CLASP2: variants seen among roughly 807,000 people sequenced by gnomAD.
CLASP2 encodes the protein CLIP-associating protein 2.
CLASP2 carries 47 observed loss-of-function variants against 194.4 expected under a neutral mutation model. The observed-to-expected ratio is 0.24, with a 90% CI of 0.19 to 0.31. CLASP2 has a LOEUF of 0.31. Among genes scored for constraint, CLASP2 ranks in the 10% least tolerant of loss-of-function variants. CLASP2 has a pLI of 1.00. For synonymous variants in CLASP2, 619 were observed against 633.5 expected, an observed-to-expected ratio of 0.98 and a Z score of 0.34; for missense variants, 1,445 against 1,823.6, an observed-to-expected ratio of 0.79 and a Z score of 3.78.
rs1390890534 is a variant in CLASP2 at position 33,717,810 on chromosome 3, G to A, written c.193C>T (p.Arg65Trp). The change falls in exon 1 of 39, where the codon CGG becomes TGG. Residue 65 changes from arginine (R) to tryptophan (W), a missense_variant and splice_region_variant. Around this residue, in one of 4 missense-constraint regions of CLASP2, gnomAD observed 332 missense variants for 325.3 expected, o/e 1.02. Transcript: ENST00000682230. ...LTGWVGSSNYRVSLMGLEILS... is the reference protein window; with the variant it reads ...LTGWVGSSNYWVSLMGLEILS... ...CCAGCCTCGCCGCCGTCGCTTACCC[G>A]GTAGTTGCTCGAACCCACCCAGCCG... is the stretch of plus-strand genomic sequence containing the variant. 2.2e-5 allele frequency: 34 copies of A among 1,556,430 alleles called. No homozygotes were observed. Among genetic ancestry groups the A allele is most frequent in the Admixed American group, 1.7e-4 (9 of 51,656 alleles).
At chr3:33,548,763 C>CTTTTTTTT (rs57112524) in intron 30 of CLASP2, among the ~76,000 whole-genome samples, 27 of 93,112 alleles carry the variant, frequency 2.9e-4, no homozygotes, top group South Asian at 7.6e-4. Flanking sequence ...GGTTTCATTT[C>CTTTTTTTT]TTTTTTTTTT....
intron 25 of CLASP2, among the ~76,000 whole-genome samples, chr3:33,571,169 T>G (rs1471626679): frequency 6.6e-5 from 10 of 150,444 alleles, no homozygotes. Context: ...GCCCGCCACC[T>G]CGCCCAGCTA....
chr3:33,674,967 T>A (rs1461495321), intron 6 of CLASP2, among the ~76,000 whole-genome samples: 1 of 151,568 alleles, frequency 6.6e-6, no homozygotes, highest in Non-Finnish European at 1.5e-5. Context: ...CCAAAAAGGG[T>A]CCAGGACCAG....
At chr3:33,695,376 G>C (rs2091781602) in intron 2 of CLASP2, among the ~76,000 whole-genome samples, 3 of 150,960 alleles carry the variant, frequency 2.0e-5, no homozygotes, top group Admixed American at 2.0e-4. Flanking sequence ...CTATAGAGTT[G>C]TAAGGGGAGA....
chr3:33,641,708 A>G (rs940870174), intron 8 of CLASP2, among the ~76,000 whole-genome samples: 5 of 151,958 alleles, frequency 3.3e-5, no homozygotes, highest in African/African-American at 1.2e-4. Flanking sequence ...ACATTCCCAA[A>G]CTACAAAAGC....
intron 15 of CLASP2, among the ~76,000 whole-genome samples, chr3:33,607,042 A>C (rs939502299): frequency 2.0e-5 from 3 of 152,250 alleles, no homozygotes; most frequent in Non-Finnish European, 4.4e-5. Context: ...TGGAGATAAC[A>C]CTATCTTCGG....
At chr3:33,696,353 CTTTTTT>C (rs962854814) in intron 2 of CLASP2, among the ~76,000 whole-genome samples, 34 of 52,736 alleles carry the variant, frequency 6.4e-4, no homozygotes, top group African/African-American at 2.0e-3. Flanking sequence ...TTCTTTCTTT[CTTTTTT>C]TTTTTTTTTT....
intron 6 of CLASP2, among the ~76,000 whole-genome samples, chr3:33,680,137 T>C (rs1296041760): frequency 6.6e-6 from 1 of 152,204 alleles, no homozygotes; most frequent in African/African-American, 2.4e-5. Context: ...AAAAGCTACA[T>C]ATTGTATGAA....
At chr3:33,591,893 A>T (rs1237975143) in intron 21 of CLASP2, among the ~76,000 whole-genome samples, 3 of 152,222 alleles carry the variant, frequency 2.0e-5, no homozygotes, top group Admixed American at 2.0e-4. Context: ...GGAAAATAAG[A>T]TATCATGTAT....
chr3:33,627,947 A>T (rs1009079019), intron 9 of CLASP2, among the ~76,000 whole-genome samples: 3 of 152,138 alleles, frequency 2.0e-5, no homozygotes, highest in Non-Finnish European at 4.4e-5. Flanking sequence ...TAAAAAGTAT[A>T]AAGGGACTAG....
intron 36 of CLASP2, among the ~76,000 whole-genome samples, chr3:33,513,326 G>A (rs1022093526): frequency 6.6e-6 from 1 of 152,122 alleles, no homozygotes; most frequent in African/African-American, 2.4e-5. Context: ...ATCACTTGAG[G>A]CCAGGAGTTC....
intron 30 of CLASP2, among the ~76,000 whole-genome samples, chr3:33,547,981 T>A (rs2059416171): frequency 6.6e-6 from 1 of 151,808 alleles, no homozygotes. Context: ...GGTTTCACCA[T>A]GTTACCCAGG....
At chr3:33,512,007 C>T (rs1484895591) in intron 36 of CLASP2, among the ~76,000 whole-genome samples, 1 of 27,110 alleles carries the variant, frequency 3.7e-5, no homozygotes, top group African/African-American at 1.5e-4. Context: ...GGCGATTCCT[C>T]AGGGATCTAG....
chr3:33,536,751 G>GA (rs1186948557), intron 33 of CLASP2, among the ~76,000 whole-genome samples: 2 of 152,206 alleles, frequency 1.3e-5, no homozygotes, highest in African/African-American at 4.8e-5. Flanking sequence ...GCTCAAACCA[G>GA]AAAGGCAGTG....
chr3:33,527,483 A>T (rs1265170170), intron 34 of CLASP2, among the ~76,000 whole-genome samples: 1 of 152,156 alleles, frequency 6.6e-6, no homozygotes, highest in Admixed American at 6.5e-5. Context: ...CAGCCTACCA[A>T]TAATAATAAT....
intron 12 of CLASP2, among the ~76,000 whole-genome samples, chr3:33,612,956 G>C (rs1286621494): frequency 6.6e-6 from 1 of 152,148 alleles, no homozygotes; most frequent in East Asian, 1.9e-4. Flanking sequence ...ATAAGATCTA[G>C]TGTTCGATAG....
chr3:33,656,268 ATAGATTAAT>A (rs1242658746), intron 7 of CLASP2, among the ~76,000 whole-genome samples: 3 of 152,222 alleles, frequency 2.0e-5, no homozygotes, highest in Non-Finnish European at 4.4e-5. Context: ...TCAATAGATA[ATAGATTAAT>A]AACTGGAATA....
chr3:33,608,711 C>T, intron 13 of CLASP2, 85 bp from the exon 14 acceptor site: 3 of 733,442 alleles, frequency 4.1e-6, no homozygotes, highest in Non-Finnish European at 6.5e-6. Flanking sequence ...ACTTTGCCCC[C>T]TAAATTAAAG....
chr3:33,689,663 C>CA (rs1262989539), intron 3 of CLASP2, 166 bp downstream of exon 3: 13 of 458,196 alleles, frequency 2.8e-5, no homozygotes, highest in Non-Finnish European at 4.2e-5. Context: ...GAATCAGAAG[C>CA]AAAAAACCAG....
Sources: gnomAD v4.1 joint callset for allele counts (sites outside exome capture counted in the v4.1 genomes callset) on GRCh38, gnomAD v4.1.1 for gene constraint, gnomAD v4.1.1 regional missense constraint, MANE v1.5 for transcripts, NCBI Gene and HGNC (gene_info 2026-07-23, HGNC 2026-07-21) for gene names.